Variants in APBA2 observed in about 807,000 individuals in gnomAD.
APBA2 encodes amyloid beta precursor protein binding family A member 2, also known as amyloid-beta A4 precursor protein-binding family A member 2.
APBA2 carries 30 observed loss-of-function variants against 75.0 expected under a neutral mutation model. That is an observed-to-expected ratio of 0.40 (90% confidence interval 0.30 to 0.54). APBA2 has a LOEUF of 0.54. Among genes scored for constraint, APBA2 ranks in the 20% least tolerant of loss-of-function variants. The probability of loss-of-function intolerance (pLI) is 0.49; values close to 1 mark genes in which losing one functional copy is unlikely to be tolerated. For missense variants in APBA2, 801 were observed against 1,016.1 expected (o/e 0.79, Z 2.88); for synonymous variants, 444 against 409.6 (o/e 1.08, Z -1.01).
rs370968355 is a variant in APBA2 at position 29,054,748 on chromosome 15, C to A, written c.864C>A (p.Pro288=). The change falls in exon 4 of 15, where the codon CCC becomes CCA. Residue 288 remains proline (P), a synonymous_variant. Transcript: ENST00000683413. The surrounding 1 kb of genome is among the most constrained non-coding windows in gnomAD (Gnocchi z 6.1). ...GGCCCAAGTCGCTGAACCTCCTTCCCGAGGCCAAGCACCCCGGAGACCCCC... is the reference window on the plus strand; with the variant it reads ...GGCCCAAGTCGCTGAACCTCCTTCCAGAGGCCAAGCACCCCGGAGACCCCC... The part of the protein sequence containing the change: ...EARPKSLNLL[P]EAKHPGDPQR... 1 of 1,610,182 alleles carries A rather than the reference C, an allele frequency of 6.2e-7. No individual in the cohort carries two copies. Among genetic ancestry groups the A allele is most frequent in the African/African-American group, 1.3e-5 (1 of 75,044 alleles).
intron 1 of APBA2, among the ~76,000 whole-genome samples, chr15:28,907,910 C>T (rs2033214435): frequency 6.6e-6 from 1 of 152,232 alleles, no homozygotes; most frequent in South Asian, 2.1e-4. Context: ...CAGAAAGAAA[C>T]TCAGGTTCTT....
At chr15:28,978,760 C>T (rs576509178) in intron 2 of APBA2, among the ~76,000 whole-genome samples, 2 of 152,330 alleles carry the variant, frequency 1.3e-5, no homozygotes, top group Admixed American at 6.5e-5. Flanking sequence ...CATTCTTCTC[C>T]AGGACTGCAG....
intron 2 of APBA2, among the ~76,000 whole-genome samples, chr15:28,989,326 G>A (rs2038093888): frequency 6.6e-6 from 1 of 152,216 alleles, no homozygotes; most frequent in African/African-American, 2.4e-5. Context: ...ATGCCTCAGT[G>A]TCCTCATCTG....
chr15:28,937,352 A>G (rs2034935630), intron 2 of APBA2, among the ~76,000 whole-genome samples: 1 of 152,188 alleles, frequency 6.6e-6, no homozygotes, highest in African/African-American at 2.4e-5. Flanking sequence ...CAGGTGTGCC[A>G]TCTTCTGAGG....
chr15:29,065,603 CTCTGGGCTG>C (rs1181087634), intron 4 of APBA2, among the ~76,000 whole-genome samples: 5 of 152,172 alleles, frequency 3.3e-5, no homozygotes, highest in Non-Finnish European at 7.3e-5. Context: ...GAATGGAGCC[CTCTGGGCTG>C]ATAGAGGCCT....
chr15:28,923,283 C>T (rs915114560), intron 2 of APBA2, among the ~76,000 whole-genome samples: 2 of 152,110 alleles, frequency 1.3e-5, no homozygotes, highest in African/African-American at 4.8e-5. Flanking sequence ...TTGCTTCTTC[C>T]TCTGGATTTA....
intron 8 of APBA2, among the ~76,000 whole-genome samples, chr15:29,096,232 T>A (rs1340397239): frequency 6.6e-6 from 1 of 152,146 alleles, no homozygotes; most frequent in East Asian, 1.9e-4. Flanking sequence ...TTCTCTGGTG[T>A]CTGTAGGATC....
At chr15:29,044,397 C>T (rs939356639) in intron 3 of APBA2, 1 of 152,194 alleles carries the variant, frequency 6.6e-6, no homozygotes, top group African/African-American at 2.4e-5. Context: ...TGAGTCTGGA[C>T]ATGGAGACTC....
At chr15:28,963,966 A>G (rs888137732) in intron 2 of APBA2, among the ~76,000 whole-genome samples, 1 of 152,206 alleles carries the variant, frequency 6.6e-6, no homozygotes, top group African/African-American at 2.4e-5. Context: ...CAATCAAGAT[A>G]TTTAATTGTA....
intron 1 of APBA2, among the ~76,000 whole-genome samples, chr15:28,916,527 C>A (rs2033698584): frequency 1.3e-5 from 2 of 152,260 alleles, no homozygotes; most frequent in Admixed American, 6.5e-5. Context: ...CCACCTCTCT[C>A]CCCGCTCCCC....
intron 2 of APBA2, among the ~76,000 whole-genome samples, chr15:28,926,383 A>G (rs1242348228): frequency 6.6e-6 from 1 of 152,278 alleles, no homozygotes; most frequent in Non-Finnish European, 1.5e-5. Context: ...ATCTAAGCCC[A>G]CCTTCAAATA....
At chr15:29,082,041 C>T (rs1168176505) in intron 6 of APBA2, among the ~76,000 whole-genome samples, 2 of 152,346 alleles carry the variant, frequency 1.3e-5, no homozygotes, top group South Asian at 2.1e-4. Flanking sequence ...GTTACCAACA[C>T]TGCATGACCG....
At position 29,091,555 on chromosome 15, in the gene APBA2, C is replaced by T. The variant is rs117380111; in HGVS notation, c.1070-1520C>T. ...AGGTTGTTTGGGGGGCATTTGGGGT[C>T]AAGAATTTATAATACATTTATCATG... On this transcript the variant is annotated intron_variant, in intron 6 of 14. Coordinates refer to ENST00000683413, the MANE Select transcript of APBA2 (RefSeq NM_001353788.2). Among the ~76,000 whole-genome samples the T allele has an allele frequency of 6.6e-4, 101 of 152,266 alleles. 2 individuals carry two copies. In the East Asian group the frequency reaches 0.02, roughly 30 times the overall value.
At chr15:28,917,301 TG>T (rs1294531442) in intron 1 of APBA2, among the ~76,000 whole-genome samples, 9 of 152,174 alleles carry the variant, frequency 5.9e-5, no homozygotes, top group African/African-American at 2.2e-4. Context: ...GGGGTTGAGA[TG>T]GTACCCAGAG....
At chr15:29,082,118 A>G (rs750701365) in intron 6 of APBA2, among the ~76,000 whole-genome samples, 1 of 152,248 alleles carries the variant, frequency 6.6e-6, no homozygotes, top group African/African-American at 2.4e-5. Flanking sequence ...CGTGTCTTTC[A>G]TAATAAGTGA....
At chr15:29,091,802 T>C (rs1161296659) in intron 6 of APBA2, among the ~76,000 whole-genome samples, 1 of 152,028 alleles carries the variant, frequency 6.6e-6, no homozygotes, top group Admixed American at 6.6e-5. Context: ...ATCAGCTGGC[T>C]GAGGGAGGGA....
intron 3 of APBA2, among the ~76,000 whole-genome samples, chr15:29,048,178 C>T (rs1159991935): frequency 1.3e-5 from 2 of 152,152 alleles, no homozygotes; most frequent in Admixed American, 1.3e-4. Context: ...AAAACTTCAT[C>T]TCTACAAAAA....
At chr15:28,923,055 A>G (rs987948897) in intron 2 of APBA2, among the ~76,000 whole-genome samples, 1 of 152,196 alleles carries the variant, frequency 6.6e-6, no homozygotes, top group Non-Finnish European at 1.5e-5. Flanking sequence ...TGGAATGCTT[A>G]CTCAGACCAC....
At chr15:29,089,283 T>C (rs1426967411) in intron 6 of APBA2, among the ~76,000 whole-genome samples, 1 of 152,260 alleles carries the variant, frequency 6.6e-6, no homozygotes, top group African/African-American at 2.4e-5. Context: ...ATGGTCCTTA[T>C]TTGTAAAATT....
Sources: gnomAD v4.1 joint callset for allele counts (sites outside exome capture counted in the v4.1 genomes callset) on GRCh38, gnomAD v4.1.1 for gene constraint, Gnocchi (gnomAD v3.1) non-coding constraint, MANE v1.5 for transcripts, NCBI Gene and HGNC (gene_info 2026-07-23, HGNC 2026-07-21) for gene names.